Variants in CTNNA2 observed in about 807,000 individuals in gnomAD.
CTNNA2 encodes catenin alpha-2.
A neutral mutation model predicts 101.0 loss-of-function variants in CTNNA2; 42 were observed. The observed-to-expected ratio is 0.42, with a 90% confidence interval of 0.32 to 0.54. The LOEUF is 0.54. Among genes scored for constraint, CTNNA2 ranks in the 20% least tolerant of loss-of-function variants. CTNNA2 has a pLI of 0.14. For synonymous variants in CTNNA2, 450 were observed against 456.4 expected (o/e 0.99, Z 0.18); for missense variants, 871 against 1,223.1 (o/e 0.71, Z 4.29).
At chr2:79,471,010 C>T (rs1301424598) in intron 4 of CTNNA2, among the ~76,000 whole-genome samples, 1 of 152,138 alleles carries the variant, frequency 6.6e-6, no homozygotes, top group Admixed American at 6.5e-5. Flanking sequence ...CAAATGATAT[C>T]ACAGAATTTT....
chr2:80,477,465 G>A (rs369495921), intron 9 of CTNNA2, among the ~76,000 whole-genome samples: 2 of 151,986 alleles, frequency 1.3e-5, no homozygotes, highest in African/African-American at 4.8e-5. Flanking sequence ...CTCCAGAATA[G>A]TGTACATTGT....
chr2:79,818,708 A>G (rs1382915451), intron 3 of CTNNA2, among the ~76,000 whole-genome samples: 1 of 151,264 alleles, frequency 6.6e-6, no homozygotes, highest in Non-Finnish European at 1.5e-5. Context: ...TTTATTGCTT[A>G]TGGTTTCTCT....
At chr2:79,533,304 A>G (rs1672856405) in intron 1 of CTNNA2, among the ~76,000 whole-genome samples, 1 of 152,166 alleles carries the variant, frequency 6.6e-6, no homozygotes, top group Non-Finnish European at 1.5e-5. Context: ...TTATTCATCT[A>G]AGTATACCTT....
At chr2:79,537,796 C>CT (rs34057879) in intron 1 of CTNNA2, among the ~76,000 whole-genome samples, 71 of 145,386 alleles carry the variant, frequency 4.9e-4, no homozygotes, top group Middle Eastern at 3.6e-3. Context: ...ATTACTATGC[C>CT]TTTTTTTTTT....
intron 18 of CTNNA2, among the ~76,000 whole-genome samples, chr2:80,622,170 T>G (rs779683216): frequency 6.6e-6 from 1 of 151,890 alleles, no homozygotes; most frequent in African/African-American, 2.4e-5. Flanking sequence ...ATACATGTCT[T>G]TGGAAGAATT....
At chr2:80,515,165 TCC>T (rs776545426) in intron 9 of CTNNA2, among the ~76,000 whole-genome samples, 25 of 148,676 alleles carry the variant, frequency 1.7e-4, no homozygotes, top group East Asian at 5.9e-4. Flanking sequence ...TTTTTTTTTT[TCC>T]CCCTTGGAAA....
chr2:80,286,007 A>G (rs1195167116), intron 7 of CTNNA2, among the ~76,000 whole-genome samples: 1 of 152,136 alleles, frequency 6.6e-6, no homozygotes, highest in Non-Finnish European at 1.5e-5. Flanking sequence ...TACAGTGCCA[A>G]CCCATCTTGA....
At chr2:80,351,886 T>C (rs1673335015) in intron 7 of CTNNA2, among the ~76,000 whole-genome samples, 2 of 152,166 alleles carry the variant, frequency 1.3e-5, no homozygotes, top group African/African-American at 4.8e-5. Context: ...ACTTGCTTAG[T>C]TGATCATCTA....
intron 1 of CTNNA2, among the ~76,000 whole-genome samples, chr2:79,601,955 A>G (rs1677581692): frequency 6.6e-6 from 1 of 152,244 alleles, no homozygotes; most frequent in Non-Finnish European, 1.5e-5. Flanking sequence ...GTTAGCCTAC[A>G]ATTGGGCAAA....
At chr2:79,836,508 A>G (rs1026379884) in intron 3 of CTNNA2, among the ~76,000 whole-genome samples, 1 of 152,224 alleles carries the variant, frequency 6.6e-6, no homozygotes, top group African/African-American at 2.4e-5. Context: ...ATAACAAAGT[A>G]TCACAAACCA....
intron 3 of CTNNA2, among the ~76,000 whole-genome samples, chr2:79,827,457 C>T (rs1678536304): frequency 6.6e-6 from 1 of 152,184 alleles, no homozygotes; most frequent in South Asian, 2.1e-4. Flanking sequence ...AGAATATTAG[C>T]AAGACTTAAG....
At chr2:79,905,999 C>T (rs1208071201) in intron 6 of CTNNA2, among the ~76,000 whole-genome samples, 2 of 151,840 alleles carry the variant, frequency 1.3e-5, no homozygotes, top group Non-Finnish European at 2.9e-5. Flanking sequence ...CTGTTTTTTC[C>T]TTATTTTCTC....
chr2:80,304,083 T>C (rs1252786429), intron 7 of CTNNA2: 2 of 386,476 alleles, frequency 5.2e-6, no homozygotes, highest in Admixed American at 4.5e-5. Context: ...TGTTAGATGC[T>C]GCAGCAAAGA....
intron 7 of CTNNA2, among the ~76,000 whole-genome samples, chr2:80,356,751 C>T (rs916359151): frequency 3.9e-5 from 6 of 152,264 alleles, no homozygotes; most frequent in Admixed American, 3.3e-4. Context: ...TTTGTCGACA[C>T]CATTCATTCA....
intron 1 of CTNNA2, chr2:79,524,745 T>C (rs1672307940): frequency 6.6e-6 from 1 of 151,992 alleles, no homozygotes; most frequent in Admixed American, 6.6e-5. Flanking sequence ...AAAATTATTC[T>C]CAATATCTGT....
intron 7 of CTNNA2, among the ~76,000 whole-genome samples, chr2:79,997,990 G>T (rs750561899): frequency 6.6e-6 from 1 of 152,158 alleles, no homozygotes. Flanking sequence ...ATAGTTAACC[G>T]AGACTTTTGG....
chr2:79,753,619 G>A (rs1470830914), intron 3 of CTNNA2, among the ~76,000 whole-genome samples: 1 of 152,092 alleles, frequency 6.6e-6, no homozygotes, highest in Non-Finnish European at 1.5e-5. Flanking sequence ...TGCCACCAAG[G>A]TGTATTTGGC....
chr2:79,830,182 G>C lies in CTNNA2; in HGVS notation c.299-27831G>C, dbSNP rs540474341. Among the ~76,000 whole-genome samples the C allele has an allele frequency of 5.3e-5, 7 of 132,554 alleles. No homozygotes were observed. The South Asian group carries it at 1.8e-3, about 34-fold the overall frequency. The allele number at this position is 132,554 out of a possible 152,430, so 87.0% of individuals were successfully genotyped here. On this transcript the variant is annotated intron_variant, in intron 3 of 18. Transcript: ENST00000402739. ...TTATCCTACAAGAGTACATAAGGGA[G>C]ATAGAGTATTTATTCAGTTTATTAT...
intron 7 of CTNNA2, among the ~76,000 whole-genome samples, chr2:80,029,991 T>G (rs2104182154): frequency 6.6e-6 from 1 of 152,148 alleles, no homozygotes; most frequent in South Asian, 2.1e-4. Context: ...GGAAGCAATT[T>G]GGCTAAGACC....
Sources: gnomAD v4.1 joint callset for allele counts (sites outside exome capture counted in the v4.1 genomes callset) on GRCh38, gnomAD v4.1.1 for gene constraint, MANE v1.5 for transcripts, NCBI Gene and HGNC (gene_info 2026-07-23, HGNC 2026-07-21) for gene names.